MXI1: variants seen among roughly 807,000 people sequenced by gnomAD.
The protein encoded by MXI1 is max-interacting protein 1.
In MXI1, 18 loss-of-function variants were observed where a neutral mutation model predicts 36.9. The observed-to-expected ratio is 0.49, with a 90% CI of 0.34 to 0.72. The LOEUF is 0.72. MXI1 is among the 30% of genes least tolerant of loss of function. The probability of loss-of-function intolerance (pLI) is 0.01; values close to 1 mark genes in which losing one functional copy is unlikely to be tolerated. For synonymous variants in MXI1, 160 were observed against 146.7 expected (o/e 1.09, Z -0.65); for missense variants, 304 against 379.1 (o/e 0.80, Z 1.64).
rs747055014 is a variant in MXI1 at position 110,279,898 on chromosome 10, C to A, written c.553-16C>A. 2.5e-6 allele frequency: 4 copies of A among 1,591,860 alleles called. No individual in the cohort carries two copies. Among genetic ancestry groups the A allele is most frequent in the South Asian group, 1.1e-5 (1 of 87,560 alleles). The stretch of plus-strand genomic sequence containing the variant: ...CTGGACTATACACAAATGTAAAAAT[C>A]ATTTCATCATTTCAGAAACTTGAAG... On this transcript the variant is annotated splice_polypyrimidine_tract_variant and intron_variant, in intron 4 of 5. Transcript: ENST00000332674.
intron 3 of MXI1, among the ~76,000 whole-genome samples, chr10:110,246,610 C>T (rs1325759202): frequency 6.6e-6 from 1 of 152,092 alleles, no homozygotes; most frequent in Non-Finnish European, 1.5e-5. Context: ...TTATTTCTGC[C>T]AAATGACTAT....
At chr10:110,225,682 C>T (rs1176746138) in intron 1 of MXI1, among the ~76,000 whole-genome samples, 5 of 152,282 alleles carry the variant, frequency 3.3e-5, no homozygotes, top group Non-Finnish European at 7.4e-5. Flanking sequence ...GAGTAGACTC[C>T]CAGCTCGCTC....
chr10:110,255,607 G>A (rs1434900837), intron 3 of MXI1, among the ~76,000 whole-genome samples: 1 of 152,108 alleles, frequency 6.6e-6, no homozygotes, highest in African/African-American at 2.4e-5. Context: ...ATGTAACCAA[G>A]AAGATGAAAG....
chr10:110,230,515 A>G (rs1447198579), intron 2 of MXI1, among the ~76,000 whole-genome samples: 2 of 152,238 alleles, frequency 1.3e-5, no homozygotes, highest in East Asian at 1.9e-4. Context: ...AGAGAAAAAT[A>G]TATTTTAGAA....
intron 2 of MXI1, among the ~76,000 whole-genome samples, chr10:110,239,891 T>C (rs143469383): frequency 1.3e-5 from 2 of 152,028 alleles, no homozygotes; most frequent in Non-Finnish European, 2.9e-5. Flanking sequence ...CCCTCCTGAC[T>C]TTTCCAGTCA....
At chr10:110,244,512 T>C (rs1272991551) in intron 2 of MXI1, among the ~76,000 whole-genome samples, 3 of 150,916 alleles carry the variant, frequency 2.0e-5, no homozygotes, top group Non-Finnish European at 4.4e-5. Context: ...TAAAATTTCT[T>C]ATATAACATC....
At chr10:110,260,312 T>G (rs1856463730) in intron 3 of MXI1, among the ~76,000 whole-genome samples, 4 of 152,028 alleles carry the variant, frequency 2.6e-5, no homozygotes, top group African/African-American at 9.7e-5. Context: ...CCTGCCTACA[T>G]GTAAAGTTTT....
rs542711975 is a variant in MXI1, at chr10:110,207,783, C to A, written c.-26C>A. 17 of 1,128,926 alleles carry A rather than the reference C, an allele frequency of 1.5e-5. No homozygotes were observed. The East Asian group carries it at 5.2e-4, about 35-fold the overall frequency. 69.9% of individuals were successfully genotyped at this position (1,128,926 alleles called of 1,614,324 possible). On this transcript the variant is annotated 5_prime_UTR_variant, in exon 1 of 6. Transcript: ENST00000332674. ...CGGGCCGCGCAGCCCCGTTAGAGGA[C>A]GAGCTCGGCGGACCCCCGCTCCTCC...
chr10:110,209,842 GT>G (rs1032475047), intron 1 of MXI1, among the ~76,000 whole-genome samples: 3 of 152,154 alleles, frequency 2.0e-5, no homozygotes, highest in Non-Finnish European at 4.4e-5. Context: ...TCTGGAGTCT[GT>G]CCCGTGGCGT....
At chr10:110,246,826 T>G (rs1217813575) in intron 3 of MXI1, among the ~76,000 whole-genome samples, 1 of 152,188 alleles carries the variant, frequency 6.6e-6, no homozygotes, top group Non-Finnish European at 1.5e-5. Flanking sequence ...ATTTCTGATT[T>G]ATTAAAGATC....
chr10:110,235,969 T>C lies in MXI1; in HGVS notation c.407+7648T>C, dbSNP rs551425032. Among the ~76,000 whole-genome samples the C allele has an allele frequency of 3.7e-3, 568 of 152,162 alleles. 4 individuals carry two copies. Among genetic ancestry groups the C allele is most frequent in the African/African-American group, 0.013 (538 of 41,548 alleles). ...CTACAGTGAGTTGAGATCATGCTAC[T>C]GCACTCCAGCCTGGGCAACAGAGTG... is the stretch of plus-strand genomic sequence containing the variant. On this transcript the variant is annotated intron_variant, in intron 2 of 5. Transcript: ENST00000332674.
At chr10:110,249,290 A>C (rs1457817528) in intron 3 of MXI1, among the ~76,000 whole-genome samples, 1 of 152,130 alleles carries the variant, frequency 6.6e-6, no homozygotes, top group Non-Finnish European at 1.5e-5. Context: ...TTTGTATAAC[A>C]TATTCATGTC....
intron 3 of MXI1, among the ~76,000 whole-genome samples, chr10:110,264,995 G>T (rs1008054942): frequency 6.6e-6 from 1 of 151,898 alleles, no homozygotes; most frequent in African/African-American, 2.4e-5. Context: ...ATGGTATACA[G>T]AACTGTATTC....
chr10:110,225,075 T>C (rs1482787152), intron 1 of MXI1, among the ~76,000 whole-genome samples: 2 of 152,228 alleles, frequency 1.3e-5, no homozygotes, highest in Non-Finnish European at 2.9e-5. Flanking sequence ...GCTGGAATTA[T>C]TATATTTAAT....
At chr10:110,247,394 C>G (rs938608892) in intron 3 of MXI1, among the ~76,000 whole-genome samples, 5 of 152,072 alleles carry the variant, frequency 3.3e-5, no homozygotes, top group Admixed American at 6.6e-5. Flanking sequence ...AGTTTAATTA[C>G]ATCCCATTTG....
chr10:110,283,120 TA>T (rs1374315434), intron 5 of MXI1, among the ~76,000 whole-genome samples: 2 of 152,218 alleles, frequency 1.3e-5, no homozygotes, highest in Non-Finnish European at 1.5e-5. Context: ...AGAGCCAATA[TA>T]TGAATTCACA....
At chr10:110,209,475 G>A (rs1328267499) in intron 1 of MXI1, among the ~76,000 whole-genome samples, 2 of 152,210 alleles carry the variant, frequency 1.3e-5, no homozygotes, top group Non-Finnish European at 2.9e-5. Context: ...AGGGTTAAAG[G>A]AACCGTGTGT....
chr10:110,243,818 G>A (rs192181751), intron 2 of MXI1, among the ~76,000 whole-genome samples: 4 of 152,170 alleles, frequency 2.6e-5, no homozygotes, highest in East Asian at 3.9e-4. Context: ...TTTCATAGAT[G>A]AGGAAACCGA....
At chr10:110,252,281 A>T (rs1173835013) in intron 3 of MXI1, among the ~76,000 whole-genome samples, 1 of 152,324 alleles carries the variant, frequency 6.6e-6, no homozygotes, top group African/African-American at 2.4e-5. Context: ...CTTCTCAAAG[A>T]ACATATCAAA....
Sources: gnomAD v4.1 joint callset for allele counts (sites outside exome capture counted in the v4.1 genomes callset) on GRCh38, gnomAD v4.1.1 for gene constraint, MANE v1.5 for transcripts, NCBI Gene and HGNC (gene_info 2026-07-23, HGNC 2026-07-21) for gene names.